Variants in ADAMTS17 observed in about 807,000 individuals in gnomAD.
The protein encoded by ADAMTS17 is A disintegrin and metalloproteinase with thrombospondin motifs 17.
In ADAMTS17, 113 loss-of-function variants were observed where a neutral mutation model predicts 141.5. The ratio of observed to expected loss-of-function variants is 0.80; its 90% CI spans 0.69 to 0.93. ADAMTS17 has a LOEUF of 0.93. ADAMTS17 is among the 40% of genes least tolerant of loss of function. The pLI, the probability that ADAMTS17 is intolerant of heterozygous loss-of-function variation, is 0.00. For missense variants in ADAMTS17, 1,659 were observed against 1,517.9 expected (o/e 1.09, Z -1.54); for synonymous variants, 768 against 630.6 (o/e 1.22, Z -3.27).
intron 8 of ADAMTS17, among the ~76,000 whole-genome samples, chr15:100,159,038 A>G (rs1441501653): frequency 3.9e-5 from 6 of 152,278 alleles, no homozygotes; most frequent in African/African-American, 1.4e-4. Context: ...AAAATGGTAT[A>G]GATGCTATGA....
At chr15:100,321,439 A>G (rs1223500503) in intron 3 of ADAMTS17, among the ~76,000 whole-genome samples, 2 of 152,260 alleles carry the variant, frequency 1.3e-5, no homozygotes, top group Non-Finnish European at 1.5e-5. Context: ...AAATTCAAAT[A>G]TATCTTACTT....
At chr15:100,063,584 A>C in intron 15 of ADAMTS17, 2 of 1,110,984 alleles carry the variant, frequency 1.8e-6, no homozygotes, top group Non-Finnish European at 2.4e-6. Context: ...AACCAGCCAT[A>C]ACCCGGGAGG....
At chr15:100,010,028 C>T (rs2061130034) in intron 18 of ADAMTS17, among the ~76,000 whole-genome samples, 1 of 152,158 alleles carries the variant, frequency 6.6e-6, no homozygotes, top group Non-Finnish European at 1.5e-5. Context: ...TTTTCCCGTG[C>T]TGTTCTCAAG....
At chr15:100,225,774 C>T (rs766114008) in intron 7 of ADAMTS17, among the ~76,000 whole-genome samples, 27 of 146,716 alleles carry the variant, frequency 1.8e-4, no homozygotes, top group Non-Finnish European at 3.7e-4. Flanking sequence ...CTGTCCCATT[C>T]TGTCCTTACA....
At chr15:99,974,767 C>G (rs999591225) in intron 21 of ADAMTS17, among the ~76,000 whole-genome samples, 4 of 152,356 alleles carry the variant, frequency 2.6e-5, no homozygotes, top group Non-Finnish European at 4.4e-5. Context: ...TGCATCCAAA[C>G]CCAACCACAT....
chr15:99,993,231 G>A lies in ADAMTS17; in HGVS notation c.2797-31C>T, dbSNP rs371711691. The A allele has an allele frequency of 1.5e-5, 24 of 1,613,802 alleles. No individual in the cohort carries two copies. In the African/African-American group the frequency reaches 3.1e-4, roughly 21 times the overall value. ...AGACACCATTCAAATATTTAACCGA[G>A]TTCCAATTCGATTCAAGTCCATCAA... On this transcript the variant is annotated intron_variant, in intron 19 of 21. Coordinates refer to ENST00000268070, the MANE Select transcript of ADAMTS17 (RefSeq NM_139057.4). This position sits in a 1 kb window ranked among gnomAD's most constrained non-coding sequence, Gnocchi z 4.3.
Position 100,144,040 on chromosome 15 carries a change from GCATAATTATAAAATA to G in ADAMTS17, c.1473+8557_1473+8571del, listed in dbSNP as rs372895518. On this transcript the variant is annotated intron_variant, in intron 10 of 21. Transcript: ENST00000268070. ...AGCCTTCTCAGGGTATGTGGTGAAT[GCATAATTATAAAATA>G]CATAAGATAACCAAGAAAACAATTA... 7.0e-3 allele frequency among the ~76,000 whole-genome samples: 1,060 copies of G among 152,276 alleles called. 13 individuals are homozygous for G. Among genetic ancestry groups the G allele is most frequent in the African/African-American group, 0.024 (979 of 41,536 alleles).
In ADAMTS17 at chr15:99,993,023, AG is replaced by A; in HGVS notation, c.2949+24del. 1 of 1,613,914 alleles carries A rather than the reference AG, an allele frequency of 6.2e-7. No individual in the cohort carries two copies. Among genetic ancestry groups the A allele is most frequent in the Non-Finnish European group, 8.5e-7 (1 of 1,180,008 alleles). On this transcript the variant is annotated intron_variant, in intron 20 of 21. Transcript: ENST00000268070. The surrounding 1 kb of genome is among the most constrained non-coding windows in gnomAD (Gnocchi z 4.3). The stretch of plus-strand genomic sequence containing the variant: ...GAGCCCCCTGCACTGCGGCACGGAG[AG>A]AAATGCCAGCAGGCTGCTCTCACCG...
At chr15:100,000,565 G>A (rs2060899948) in intron 18 of ADAMTS17, among the ~76,000 whole-genome samples, 1 of 152,178 alleles carries the variant, frequency 6.6e-6, no homozygotes, top group Non-Finnish European at 1.5e-5. Flanking sequence ...CCAGGCTGGA[G>A]CGCAATGGCA....
At chr15:100,325,572 G>T (rs1018420718) in intron 3 of ADAMTS17, among the ~76,000 whole-genome samples, 1 of 152,150 alleles carries the variant, frequency 6.6e-6, no homozygotes, top group Non-Finnish European at 1.5e-5. Flanking sequence ...CTCATGAATG[G>T]CTTAGTGCCA....
chr15:100,332,783 G>C (rs1263162769), intron 2 of ADAMTS17, among the ~76,000 whole-genome samples: 4 of 152,168 alleles, frequency 2.6e-5, no homozygotes, highest in African/African-American at 9.7e-5. Flanking sequence ...TAAACTTAAG[G>C]AAGAAAACAG....
chr15:99,995,730 T>C (rs2060788129), intron 19 of ADAMTS17, among the ~76,000 whole-genome samples: 1 of 152,208 alleles, frequency 6.6e-6, no homozygotes, highest in African/African-American at 2.4e-5. Context: ...CAGTCTCACT[T>C]TGGGACTTCA....
intron 3 of ADAMTS17, among the ~76,000 whole-genome samples, chr15:100,326,979 G>A (rs1049557679): frequency 2.0e-5 from 3 of 152,182 alleles, no homozygotes; most frequent in East Asian, 1.9e-4. Flanking sequence ...TGTCAATGAT[G>A]TCTTTAGTGT....
intron 8 of ADAMTS17, among the ~76,000 whole-genome samples, chr15:100,177,203 C>T (rs541355003): frequency 9.2e-5 from 14 of 152,356 alleles, no homozygotes; most frequent in South Asian, 8.3e-4. Context: ...CCATTTTACG[C>T]GTGCCTTTCT....
At chr15:99,992,167 T>C (rs912142908) in intron 20 of ADAMTS17, among the ~76,000 whole-genome samples, 5 of 150,482 alleles carry the variant, frequency 3.3e-5, no homozygotes, top group African/African-American at 1.2e-4. Flanking sequence ...TCTGCACATG[T>C]ACCTCAGAAC....
chr15:100,044,718 G>T (rs2031539449), intron 18 of ADAMTS17, among the ~76,000 whole-genome samples: 1 of 152,030 alleles, frequency 6.6e-6, no homozygotes, highest in Non-Finnish European at 1.5e-5. Context: ...TAGTAATTTT[G>T]GATTGTACCT....
chr15:100,171,964 C>G (rs2040177188), intron 8 of ADAMTS17, among the ~76,000 whole-genome samples: 1 of 152,218 alleles, frequency 6.6e-6, no homozygotes, highest in Non-Finnish European at 1.5e-5. Flanking sequence ...TATCATCCCT[C>G]TCTGAAAAGC....
chr15:100,315,483 A>G (rs925214202), intron 3 of ADAMTS17, among the ~76,000 whole-genome samples: 1 of 151,558 alleles, frequency 6.6e-6, no homozygotes, highest in Non-Finnish European at 1.5e-5. Context: ...AAGGAACATT[A>G]GTCAAGCAAA....
chr15:100,161,704 G>A (rs1298221674), intron 8 of ADAMTS17, among the ~76,000 whole-genome samples: 1 of 152,200 alleles, frequency 6.6e-6, no homozygotes, highest in Non-Finnish European at 1.5e-5. Flanking sequence ...GGACCAGATT[G>A]TGCCCCCAGT....
Sources: allele counts gnomAD v4.1 joint callset (sites outside exome capture counted in the v4.1 genomes callset), GRCh38; gene constraint gnomAD v4.1.1; non-coding constraint Gnocchi (gnomAD v3.1); transcripts MANE v1.5; gene names NCBI Gene and HGNC (gene_info 2026-07-23, HGNC 2026-07-21).